Variants in ELAVL4 observed in about 807,000 individuals in gnomAD.
The protein encoded by ELAVL4 is ELAV like RNA binding protein 4.
Under a neutral mutation model 35.6 loss-of-function variants are expected in ELAVL4, and 1 was observed. The observed-to-expected ratio is 0.03, with a 90% CI of 0.01 to 0.13. The LOEUF (loss-of-function observed/expected upper bound fraction) is 0.13. ELAVL4 is among the 10% of genes least tolerant of loss of function. The pLI, the probability that ELAVL4 is intolerant of heterozygous loss-of-function variation, is 1.00. For synonymous variants in ELAVL4, 156 were observed against 171.0 expected (o/e 0.91, Z 0.69); for missense variants, 267 against 464.9 (o/e 0.57, Z 3.91).
At chr1:50,053,605 C>A (rs531907412) in intron 1 of ELAVL4, among the ~76,000 whole-genome samples, 1 of 152,172 alleles carries the variant, frequency 6.6e-6, no homozygotes, top group Non-Finnish European at 1.5e-5. Context: ...CCACCTCAGC[C>A]TCTCAAAGTG....
chr1:50,126,184 C>G lies in ELAVL4; in HGVS notation c.9+16986C>G, dbSNP rs534497839. Among the ~76,000 whole-genome samples, 4 of 152,116 alleles carry G rather than the reference C, an allele frequency of 2.6e-5. No homozygotes were observed. In the South Asian group the frequency reaches 8.3e-4, roughly 31 times the overall value. ...ATTCTATAACTTTCAAAAAAGTGAG[C>G]AGATAATCTCAAAACCAAAGATATG... On this transcript the variant is annotated intron_variant, in intron 1 of 6. Coordinates refer to ENST00000371824, the MANE Select transcript of ELAVL4 (RefSeq NM_001144774.3).
intron 3 of ELAVL4, among the ~76,000 whole-genome samples, chr1:50,193,428 T>C (rs1316763589): frequency 6.6e-6 from 1 of 151,568 alleles, no homozygotes. Context: ...AAATCATCTA[T>C]ACACCCACTT....
upstream of ELAVL4, among the ~76,000 whole-genome samples, chr1:50,102,755 G>C (rs942357958): frequency 1.3e-5 from 2 of 152,132 alleles, no homozygotes. Context: ...CATCTGAACT[G>C]ATATGAAGAG....
intron 1 of ELAVL4, among the ~76,000 whole-genome samples, chr1:50,098,085 G>A (rs1006180859): frequency 2.6e-5 from 4 of 152,094 alleles, no homozygotes; most frequent in Non-Finnish European, 5.9e-5. Flanking sequence ...ATTTTTGAAG[G>A]CTAGCAAAAT....
chr1:50,166,079 GT>G (rs1217232863), intron 2 of ELAVL4, among the ~76,000 whole-genome samples: 4 of 151,504 alleles, frequency 2.6e-5, no homozygotes, highest in Non-Finnish European at 4.4e-5. Flanking sequence ...TGATTAGATC[GT>G]GCCCACTAGA....
chr1:50,082,136 A>G (rs1665038729), intron 1 of ELAVL4, among the ~76,000 whole-genome samples: 1 of 152,206 alleles, frequency 6.6e-6, no homozygotes, highest in Non-Finnish European at 1.5e-5. Flanking sequence ...GCCACAATAA[A>G]CATACATGTG....
intron 6 of ELAVL4, among the ~76,000 whole-genome samples, chr1:50,199,700 T>G (rs1644283562): frequency 1.4e-5 from 2 of 145,808 alleles, no homozygotes; most frequent in South Asian, 4.3e-4. Flanking sequence ...AGAGTGAGAC[T>G]CCATCTCAAA....
At chr1:50,144,856 A>G (rs1673413644) in intron 1 of ELAVL4, 101 bp from the exon 2 acceptor site, 1 of 1,544,086 alleles carries the variant, frequency 6.5e-7, no homozygotes, top group South Asian at 1.2e-5. Flanking sequence ...ATCTTGCTTT[A>G]TCTTCTTCTC....
intron 1 of ELAVL4, among the ~76,000 whole-genome samples, chr1:50,050,067 G>A (rs923982652): frequency 1.3e-5 from 2 of 152,128 alleles, no homozygotes; most frequent in East Asian, 1.9e-4. Flanking sequence ...TCTTGGTTCC[G>A]GTCTGACCTC....
chr1:50,061,663 G>T (rs1041903787), intron 1 of ELAVL4, among the ~76,000 whole-genome samples: 2 of 152,218 alleles, frequency 1.3e-5, no homozygotes, highest in African/African-American at 4.8e-5. Context: ...ACAGTCTCCA[G>T]TTGCAGTGCC....
At chr1:50,100,849 C>T (rs537847413), upstream of ELAVL4, among the ~76,000 whole-genome samples, 1 of 152,240 alleles carries the variant, frequency 6.6e-6, no homozygotes, top group South Asian at 2.1e-4. Context: ...TTGTTATTCT[C>T]TAGTTGTTTT....
intron 3 of ELAVL4, chr1:50,179,700 G>A (rs1397044836): frequency 5.9e-5 from 9 of 152,174 alleles, no homozygotes; most frequent in Non-Finnish European, 1.2e-4. Context: ...GGACCATCTA[G>A]TACATGTTTG....
chr1:50,109,313 T>C, intron 1 of ELAVL4, 115 bp downstream of exon 1: 3 of 1,109,152 alleles, frequency 2.7e-6, no homozygotes, highest in Middle Eastern at 2.1e-4. Flanking sequence ...TGCTGTTTGG[T>C]TCCTACATTT....
At chr1:50,055,093 C>T (rs528711459) in intron 1 of ELAVL4, among the ~76,000 whole-genome samples, 27 of 152,268 alleles carry the variant, frequency 1.8e-4, no homozygotes, top group East Asian at 9.7e-4. Flanking sequence ...TTAAATCCTG[C>T]GCAATTTCCC....
intron 1 of ELAVL4, among the ~76,000 whole-genome samples, chr1:50,055,579 G>A (rs1401833631): frequency 4.6e-5 from 7 of 152,036 alleles, no homozygotes; most frequent in African/African-American, 1.7e-4. Flanking sequence ...GATTACAGGC[G>A]TGAGCCACCA....
intron 3 of ELAVL4, among the ~76,000 whole-genome samples, chr1:50,179,375 T>G (rs1424668756): frequency 6.6e-6 from 1 of 152,184 alleles, no homozygotes; most frequent in Non-Finnish European, 1.5e-5. Context: ...TACTAAAAAT[T>G]AAGTTTGAGT....
intron 3 of ELAVL4, among the ~76,000 whole-genome samples, chr1:50,187,371 T>C (rs74816897): frequency 0.036 from 5,460 of 152,308 alleles, 142 homozygotes; most frequent in Non-Finnish European, 0.056. Flanking sequence ...GCATTGTGCC[T>C]AGAAGTCTTA....
intron 2 of ELAVL4, among the ~76,000 whole-genome samples, chr1:50,172,363 A>G (rs1679169238): frequency 1.3e-5 from 2 of 152,242 alleles, no homozygotes; most frequent in South Asian, 4.1e-4. Context: ...AGCAGATTCA[A>G]AAAGCCTCTG....
At chr1:50,142,012 G>T (rs1672901035) in intron 1 of ELAVL4, among the ~76,000 whole-genome samples, 1 of 152,218 alleles carries the variant, frequency 6.6e-6, no homozygotes, top group Admixed American at 6.5e-5. Flanking sequence ...GCATGATGAG[G>T]AATAATAGTT....
Sources: gnomAD v4.1 joint callset for allele counts (sites outside exome capture counted in the v4.1 genomes callset) on GRCh38, gnomAD v4.1.1 for gene constraint, MANE v1.5 for transcripts, NCBI Gene and HGNC (gene_info 2026-07-23, HGNC 2026-07-21) for gene names.